Variants in SEPTIN9 observed in about 807,000 individuals in gnomAD.
SEPTIN9 encodes the protein septin-9.
In SEPTIN9, 13 loss-of-function variants were observed where a neutral mutation model predicts 56.6. The ratio of observed to expected loss-of-function variants is 0.23; its 90% CI spans 0.15 to 0.37. SEPTIN9 has a LOEUF of 0.37. SEPTIN9 is among the 10% of genes least tolerant of loss of function. SEPTIN9 has a pLI of 1.00. For missense variants in SEPTIN9, 650 were observed against 823.1 expected, an observed-to-expected ratio of 0.79 and a Z score of 2.57; for synonymous variants, 332 against 334.1, an observed-to-expected ratio of 0.99 and a Z score of 0.07.
At chr17:77,432,995 C>T (rs999357642) in intron 3 of SEPTIN9, among the ~76,000 whole-genome samples, 6 of 152,158 alleles carry the variant, frequency 3.9e-5, no homozygotes, top group Non-Finnish European at 7.4e-5. Flanking sequence ...GTCAGAGAAT[C>T]CCCTGTCGCC....
At chr17:77,478,342 T>C (rs537025868) in intron 3 of SEPTIN9, among the ~76,000 whole-genome samples, 23 of 152,296 alleles carry the variant, frequency 1.5e-4, no homozygotes, top group Admixed American at 2.6e-4. Context: ...AAACGAAAAC[T>C]AGAACCACCG....
At position 77,498,906 on chromosome 17, in the gene SEPTIN9, A is replaced by C; in HGVS notation, c.*248A>C. 1 of 575,522 alleles carries C rather than the reference A, an allele frequency of 1.7e-6. No individual in the cohort carries two copies. Among genetic ancestry groups the C allele is most frequent in the Non-Finnish European group, 3.3e-6 (1 of 302,832 alleles). The allele number at this position is 575,522 out of a possible 1,614,324, so 35.7% of individuals were successfully genotyped here. ...AGGCAGGGGTGAGAGCACCCACTGA[A>C]TTGACATGACCCTCTGTCCCCAGGC... On this transcript the variant is annotated 3_prime_UTR_variant, in exon 12 of 12. Transcript: ENST00000427177.
rs2040411032 is a variant in SEPTIN9 at position 77,499,295 on chromosome 17, T to C, written c.*637T>C. The C allele has an allele frequency of 6.7e-6, 4 of 597,808 alleles. No homozygotes were observed. Among genetic ancestry groups the C allele is most frequent in the South Asian group, 2.8e-5 (2 of 71,864 alleles). The allele number at this position is 597,808 out of a possible 1,614,324, so 37.0% of individuals were successfully genotyped here. On this transcript the variant is annotated 3_prime_UTR_variant, in exon 12 of 12. Transcript: ENST00000427177. ...TCCTGGAGCAGAAAGTGCCTTTATC[T>C]CAGCCATCCGCAGACTGCTTGGCCA...
At chr17:77,358,274 C>T (rs1301388473) in intron 2 of SEPTIN9, among the ~76,000 whole-genome samples, 4 of 152,154 alleles carry the variant, frequency 2.6e-5, no homozygotes, top group Admixed American at 6.6e-5. Flanking sequence ...TTCCTTCTGC[C>T]TCATGTTTGT....
chr17:77,490,870 A>G lies in SEPTIN9; in HGVS notation c.1380+11A>G. On this transcript the variant is annotated intron_variant, in intron 8 of 11. Coordinates refer to ENST00000427177, the MANE Select transcript of SEPTIN9 (RefSeq NM_001113491.2). The stretch of plus-strand genomic sequence containing the variant: ...CACTTCAAACAGCGGGTAGGGTTCC[A>G]TCTCTACTTGCCCCAGCCCTTCTGT... The G allele has an allele frequency of 6.4e-7, 1 of 1,554,628 alleles. No individual in the cohort carries two copies. Among genetic ancestry groups the G allele is most frequent in the African/African-American group, 1.4e-5 (1 of 73,476 alleles).
rs312861 is a variant in SEPTIN9, at chr17:77,400,138, A to G, written c.77-1921A>G. On this transcript the variant is annotated intron_variant, in intron 2 of 11. Transcript: ENST00000427177. The surrounding 1 kb of genome is among the most constrained non-coding windows in gnomAD (Gnocchi z 4.1). ...ACTATAGGCGAGTGTCACCATGCCC[A>G]GCTAATTTTTTATTTTTAGTAAAGA... Among the ~76,000 whole-genome samples, 37,888 of 151,956 alleles carry G rather than the reference A, an allele frequency of 0.25. 5,873 individuals are homozygous for G. The highest frequency in any genetic ancestry group is 0.81 in the East Asian group (4,189 of 5,154).
At chr17:77,473,568 T>C (rs2039091132) in intron 3 of SEPTIN9, among the ~76,000 whole-genome samples, 1 of 152,126 alleles carries the variant, frequency 6.6e-6, no homozygotes, top group Non-Finnish European at 1.5e-5. Context: ...AATACGTGTG[T>C]GTCTGTCTGT....
At chr17:77,311,452 C>T (rs1009070952) in intron 2 of SEPTIN9, among the ~76,000 whole-genome samples, 16 of 152,170 alleles carry the variant, frequency 1.1e-4, no homozygotes, top group East Asian at 1.9e-4. Context: ...GTGTCTCTGC[C>T]CTCACAGGGG....
At position 77,313,811 on chromosome 17, in the gene SEPTIN9, G is replaced by A. The variant is rs1319191940; in HGVS notation, c.76+6614G>A. Among the ~76,000 whole-genome samples, 1 of 151,262 alleles carries A rather than the reference G, an allele frequency of 6.6e-6. No individual in the cohort carries two copies. Among genetic ancestry groups the A allele is most frequent in the African/African-American group, 2.4e-5 (1 of 41,222 alleles). ...AGTGGCACAATTATAGCTCACTGCA[G>A]CCTCAACCTGCCAGGCTCAAGGGAT... On this transcript the variant is annotated intron_variant, in intron 2 of 11. Coordinates refer to ENST00000427177, the MANE Select transcript of SEPTIN9 (RefSeq NM_001113491.2). The surrounding 1 kb of genome is among the most constrained non-coding windows in gnomAD (Gnocchi z 4.5).
rs8067973 is a variant in SEPTIN9 at position 77,387,200 on chromosome 17, G to C, written c.77-14859G>C. Among the ~76,000 whole-genome samples the C allele has an allele frequency of 9.9e-3, 1,509 of 152,342 alleles. 24 individuals carry two copies. Among genetic ancestry groups the C allele is most frequent in the African/African-American group, 0.034 (1,427 of 41,574 alleles). ...GTGTCGACCAGGCTGATCCTTTGGG[G>C]CCTCTGCGGGAGGCTCCGGCCCAGG... is the stretch of plus-strand genomic sequence containing the variant. On this transcript the variant is annotated intron_variant, in intron 2 of 11. Coordinates refer to ENST00000427177, the MANE Select transcript of SEPTIN9 (RefSeq NM_001113491.2).
At chr17:77,380,651 G>A (rs1474908401) in intron 2 of SEPTIN9, among the ~76,000 whole-genome samples, 1 of 152,130 alleles carries the variant, frequency 6.6e-6, no homozygotes, top group Non-Finnish European at 1.5e-5. Context: ...TCCTGGGAGA[G>A]TCTCCCTCGC....
intron 3 of SEPTIN9, among the ~76,000 whole-genome samples, chr17:77,424,884 C>T (rs1359354864): frequency 1.3e-5 from 2 of 152,152 alleles, no homozygotes; most frequent in Non-Finnish European, 2.9e-5. Flanking sequence ...ACTCAGTACT[C>T]GGAAGGAGGG....
rs547485036 is a variant in SEPTIN9, at chr17:77,496,626, C to T, written c.1574-689C>T. 4.2e-4 allele frequency among the ~76,000 whole-genome samples: 64 copies of T among 152,374 alleles called. 1 individual carries two copies. The South Asian group carries it at 0.012, about 29-fold the overall frequency. ...GAGCCCGAGGGCACTTGTGGGTGCC[C>T]GTGGTCTCCTGCCCAGTCTCCCTGA... On this transcript the variant is annotated intron_variant, in intron 10 of 11. Coordinates refer to ENST00000427177, the MANE Select transcript of SEPTIN9 (RefSeq NM_001113491.2).
At chr17:77,406,172 C>G (rs966569090) in intron 3 of SEPTIN9, among the ~76,000 whole-genome samples, 4 of 152,264 alleles carry the variant, frequency 2.6e-5, no homozygotes, top group African/African-American at 9.6e-5. Flanking sequence ...TGAGCCTTCT[C>G]TGCTCACTCA....
At chr17:77,283,561 A>T (rs2031134969) in intron 1 of SEPTIN9, among the ~76,000 whole-genome samples, 1 of 152,162 alleles carries the variant, frequency 6.6e-6, no homozygotes, top group East Asian at 1.9e-4. Flanking sequence ...GCAGCAAAAG[A>T]TGTTAAAAAT....
In SEPTIN9 at chr17:77,389,818, A is replaced by G. The variant is rs898593332; in HGVS notation, c.77-12241A>G. On this transcript the variant is annotated intron_variant, in intron 2 of 11. Coordinates refer to ENST00000427177, the MANE Select transcript of SEPTIN9 (RefSeq NM_001113491.2). This position sits in a 1 kb window ranked among gnomAD's most constrained non-coding sequence, Gnocchi z 4.3. ...GCCCATTTCCCCTCAATCTGCTCCTAGTGGAGCAGCCAGCAGCTGGTTTAG... is the reference window on the plus strand; with the variant it reads ...GCCCATTTCCCCTCAATCTGCTCCTGGTGGAGCAGCCAGCAGCTGGTTTAG... 2.6e-5 allele frequency among the ~76,000 whole-genome samples: 4 copies of G among 152,014 alleles called. No individual in the cohort carries two copies. Among genetic ancestry groups the G allele is most frequent in the Non-Finnish European group, 5.9e-5 (4 of 67,986 alleles).
intron 10 of SEPTIN9, 71 bp from the exon 11 acceptor site, chr17:77,497,244 G>A (rs886760918): frequency 2.3e-5 from 34 of 1,470,864 alleles, no homozygotes; most frequent in Non-Finnish European, 3.2e-5. Flanking sequence ...TTCTGGGCAG[G>A]GGGAGAGAGG....
In SEPTIN9 at chr17:77,319,330, T is replaced by C. The variant is rs563109617; in HGVS notation, c.76+12133T>C. 3.8e-3 allele frequency among the ~76,000 whole-genome samples: 583 copies of C among 152,328 alleles called. 2 individuals carry two copies. Among genetic ancestry groups the C allele is most frequent in the African/African-American group, 0.013 (540 of 41,596 alleles). On this transcript the variant is annotated intron_variant, in intron 2 of 11. Transcript: ENST00000427177. This position sits in a 1 kb window ranked among gnomAD's most constrained non-coding sequence, Gnocchi z 5.3. ...ACCCCCCAGGTAAGTAAGCAGCCTC[T>C]GAGGACCCCGGATGAACAGTGGGGA...
chr17:77,429,267 G>A lies in SEPTIN9; in HGVS notation c.721+26564G>A, dbSNP rs181484404. The A allele has an allele frequency of 2.6e-3, 1,243 of 471,266 alleles. 1 individual carries two copies. Among genetic ancestry groups the A allele is most frequent in the Non-Finnish European group, 4.5e-3 (1,024 of 227,182 alleles). The allele number at this position is 471,266 out of a possible 1,614,324, so 29.2% of individuals were successfully genotyped here. A position where few individuals can be genotyped will look rare whatever the true frequency, so the allele number is the denominator to read the frequency against. On this transcript the variant is annotated intron_variant, in intron 3 of 11. Transcript: ENST00000427177. This position sits in a 1 kb window ranked among gnomAD's most constrained non-coding sequence, Gnocchi z 5.2. ...CGTTGACCGTGACCTTGATCTGACC[G>A]TAATTTTGATGGTGCCGATGCCGTC...
Sources: gnomAD v4.1 joint callset for allele counts (sites outside exome capture counted in the v4.1 genomes callset) on GRCh38, gnomAD v4.1.1 for gene constraint, Gnocchi (gnomAD v3.1) non-coding constraint, MANE v1.5 for transcripts, NCBI Gene and HGNC (gene_info 2026-07-23, HGNC 2026-07-21) for gene names.